The following F13A1 variants were observed in gnomAD, a reference collection of about 807,000 sequenced individuals.
The protein encoded by F13A1 is FSF, A subunit.
A neutral mutation model predicts 80.1 loss-of-function variants in F13A1; 47 were observed. The observed-to-expected ratio is 0.59, with a 90% CI of 0.46 to 0.75. F13A1 has a LOEUF of 0.75. Among genes scored for constraint, F13A1 ranks in the 30% least tolerant of loss-of-function variants. The pLI is 0.00. For synonymous variants in F13A1, 349 were observed against 344.9 expected, an observed-to-expected ratio of 1.01 and a Z score of -0.13; for missense variants, 817 against 930.4, an observed-to-expected ratio of 0.88 and a Z score of 1.59.
chr6:6,147,008 C>T (rs966799396), intron 14 of F13A1, among the ~76,000 whole-genome samples: 4 of 152,132 alleles, frequency 2.6e-5, no homozygotes, highest in African/African-American at 9.7e-5. Context: ...TTCACAGTGA[C>T]CTAGATGAAA....
At position 6,212,863 on chromosome 6, in the gene F13A1, C is replaced by T. The variant is rs192572400; in HGVS notation, c.1112+9170G>A. 4.5e-3 allele frequency among the ~76,000 whole-genome samples: 683 copies of T among 152,034 alleles called. 7 individuals are homozygous for T. Among genetic ancestry groups the T allele is most frequent in the Non-Finnish European group, 3.9e-3 (264 of 68,002 alleles). On this transcript the variant is annotated intron_variant, in intron 8 of 14. Transcript: ENST00000264870. ...GCTGATGGAGCTGAAAAGCAAGGCT[C>T]GAGAACTAAGTGAAGAATGCAGAAG...
chr6:6,250,957 A>G lies in F13A1; in HGVS notation c.572-28T>C, dbSNP rs774616546. ...GCATCAGGGTTTAAACATAGTGACTATTACCAAACCAGACTGTTTCCAAAC... is the reference window on the plus strand; with the variant it reads ...GCATCAGGGTTTAAACATAGTGACTGTTACCAAACCAGACTGTTTCCAAAC... On this transcript the variant is annotated intron_variant, in intron 4 of 14. Transcript: ENST00000264870. This position sits in a 1 kb window ranked among gnomAD's most constrained non-coding sequence, Gnocchi z 4.2. The G allele has an allele frequency of 4.8e-6, 7 of 1,458,128 alleles. No homozygotes were observed. The highest frequency in any genetic ancestry group is 6.7e-6 in the Non-Finnish European group (7 of 1,039,630). 90.3% of individuals were successfully genotyped at this position (1,458,128 alleles called of 1,614,324 possible). A position where few individuals can be genotyped will look rare whatever the true frequency, so the allele number is the denominator to read the frequency against.
chr6:6,268,524 CTAT>C (rs758213478), intron 3 of F13A1, among the ~76,000 whole-genome samples: 8 of 152,150 alleles, frequency 5.3e-5, no homozygotes, highest in Non-Finnish European at 1.0e-4. Context: ...TCTGACTCCA[CTAT>C]TAACTACTGG....
At chr6:6,217,644 G>A (rs974596023) in intron 8 of F13A1, among the ~76,000 whole-genome samples, 11 of 151,896 alleles carry the variant, frequency 7.2e-5, no homozygotes, top group African/African-American at 1.5e-4. Context: ...TAACCTGCAC[G>A]TTGTGCACAT....
chr6:6,268,055 A>G lies in F13A1; in HGVS notation c.320-1246T>C, dbSNP rs536201940. On this transcript the variant is annotated intron_variant, in intron 3 of 14. Coordinates refer to ENST00000264870, the MANE Select transcript of F13A1 (RefSeq NM_000129.4). ...CCAAGTTATACAAAAATAGTAAAGCAAAAGGAAAGCTATGCTTTTTCATGC... is the reference window on the plus strand; with the variant it reads ...CCAAGTTATACAAAAATAGTAAAGCGAAAGGAAAGCTATGCTTTTTCATGC... Among the ~76,000 whole-genome samples, 6 of 152,382 alleles carry G rather than the reference A, an allele frequency of 3.9e-5. No homozygotes were observed. In the East Asian group the frequency reaches 1.2e-3, roughly 29 times the overall value.
intron 11 of F13A1, among the ~76,000 whole-genome samples, chr6:6,179,474 A>G (rs559282267): frequency 6.6e-6 from 1 of 152,336 alleles, no homozygotes; most frequent in South Asian, 2.1e-4. Flanking sequence ...GAGAAATTAT[A>G]AGAGATTCAA....
rs1330576867 is a variant in F13A1 at position 6,145,217 on chromosome 6, A to G, written c.*402T>C. On this transcript the variant is annotated 3_prime_UTR_variant, in exon 15 of 15. Coordinates refer to ENST00000264870, the MANE Select transcript of F13A1 (RefSeq NM_000129.4). ...AATTCTAGAGCCCAAATCATGTGCT[A>G]TTATTCCCAAAAGGCTGAGTGGGGA... The G allele has an allele frequency of 1.2e-5, 3 of 259,518 alleles. No homozygotes were observed. Among genetic ancestry groups the G allele is most frequent in the East Asian group, 1.0e-4 (1 of 9,784 alleles). The allele number at this position is 259,518 out of a possible 1,614,324, so 16.1% of individuals were successfully genotyped here. A position where few individuals can be genotyped will look rare whatever the true frequency, so the allele number is the denominator to read the frequency against.
intron 3 of F13A1, among the ~76,000 whole-genome samples, chr6:6,297,749 C>T (rs1161070245): frequency 6.7e-6 from 1 of 149,448 alleles, no homozygotes; most frequent in Admixed American, 6.6e-5. Context: ...CTATTTCCTT[C>T]AGTTCTGCTC....
intron 3 of F13A1, among the ~76,000 whole-genome samples, chr6:6,287,707 C>T (rs1758158425): frequency 6.6e-6 from 1 of 152,214 alleles, no homozygotes; most frequent in Non-Finnish European, 1.5e-5. Context: ...TGAGGAAGCA[C>T]ATGGTAAGGT....
In F13A1 at chr6:6,243,872, C is replaced by T. The variant is rs79977265; in HGVS notation, c.798+4440G>A. 0.058 allele frequency among the ~76,000 whole-genome samples: 8,887 copies of T among 152,304 alleles called. 311 individuals carry two copies. The highest frequency in any genetic ancestry group is 0.1 in the Admixed American group (1,558 of 15,302). Reference sequence around the variant, plus strand: ...CATGTAGGTGTGTCACAGTGAATAACGAGCCTTTATCTGCAGTAGCGGCAG... The same window carrying T: ...CATGTAGGTGTGTCACAGTGAATAATGAGCCTTTATCTGCAGTAGCGGCAG... On this transcript the variant is annotated intron_variant, in intron 6 of 14. Transcript: ENST00000264870. The surrounding 1 kb of genome is among the most constrained non-coding windows in gnomAD (Gnocchi z 4.2).
chr6:6,191,148 C>T (rs372469995), intron 10 of F13A1, among the ~76,000 whole-genome samples: 36 of 152,086 alleles, frequency 2.4e-4, no homozygotes, highest in Non-Finnish European at 4.4e-4. Flanking sequence ...GAGATGAACC[C>T]GGTACCTCAG....
chr6:6,276,814 T>C (rs1255593750), intron 3 of F13A1, among the ~76,000 whole-genome samples: 3 of 152,238 alleles, frequency 2.0e-5, no homozygotes, highest in African/African-American at 4.8e-5. Flanking sequence ...CCGTATTATA[T>C]GGTGTCTGAT....
chr6:6,237,105 T>C (rs1757423606), intron 6 of F13A1, among the ~76,000 whole-genome samples: 1 of 152,188 alleles, frequency 6.6e-6, no homozygotes, highest in African/African-American at 2.4e-5. Context: ...TAATAGCTGC[T>C]CTGCTTTTTC....
At chr6:6,309,491 A>T (rs1289396628) in intron 2 of F13A1, among the ~76,000 whole-genome samples, 1 of 152,238 alleles carries the variant, frequency 6.6e-6, no homozygotes. Context: ...GTGAAGACTG[A>T]GGCAAGAGAG....
At chr6:6,185,909 C>A (rs1482954158) in intron 10 of F13A1, among the ~76,000 whole-genome samples, 1 of 150,124 alleles carries the variant, frequency 6.7e-6, no homozygotes, top group Non-Finnish European at 1.5e-5. Context: ...TTAATGATTG[C>A]CATTCTAACT....
chr6:6,308,008 A>C (rs1235053169), intron 2 of F13A1, among the ~76,000 whole-genome samples: 4 of 150,188 alleles, frequency 2.7e-5, no homozygotes, highest in Non-Finnish European at 5.9e-5. Flanking sequence ...AACATTCTTC[A>C]TTTATTTAAC....
At chr6:6,190,905 G>T (rs1761179412) in intron 10 of F13A1, among the ~76,000 whole-genome samples, 1 of 151,410 alleles carries the variant, frequency 6.6e-6, no homozygotes, top group African/African-American at 2.4e-5. Context: ...CTCCGAGCCA[G>T]GTGCGGGATA....
At chr6:6,222,306 T>G in intron 7 of F13A1, 135 bp from the exon 8 acceptor site, 4 of 1,227,492 alleles carry the variant, frequency 3.3e-6, no homozygotes, top group Non-Finnish European at 3.5e-6. Context: ...TCTCAAATGT[T>G]CCATGCTGGA....
Position 6,241,233 on chromosome 6 carries a change from A to G in F13A1, c.798+7079T>C, listed in dbSNP as rs79800853. ...GTCCATGATGGAACCTACATCTGGCAGTGGTCACCACCTGGGGAATTTTGA... is the reference window on the plus strand; with the variant it reads ...GTCCATGATGGAACCTACATCTGGCGGTGGTCACCACCTGGGGAATTTTGA... On this transcript the variant is annotated intron_variant, in intron 6 of 14. Coordinates refer to ENST00000264870, the MANE Select transcript of F13A1 (RefSeq NM_000129.4). 3.6e-4 allele frequency among the ~76,000 whole-genome samples: 55 copies of G among 152,352 alleles called. 1 individual carries two copies. The East Asian group carries it at 7.7e-3, about 21-fold the overall frequency.
Sources: gnomAD v4.1 joint callset for allele counts (sites outside exome capture counted in the v4.1 genomes callset) on GRCh38, gnomAD v4.1.1 for gene constraint, Gnocchi (gnomAD v3.1) non-coding constraint, MANE v1.5 for transcripts, NCBI Gene and HGNC (gene_info 2026-07-23, HGNC 2026-07-21) for gene names.